CCBE1: variants seen among roughly 807,000 people sequenced by gnomAD.
CCBE1 encodes the protein collagen and calcium binding EGF domains 1.
A neutral mutation model predicts 50.0 loss-of-function variants in CCBE1; 37 were observed. That is an observed-to-expected ratio of 0.74 (90% CI 0.57 to 0.97). The LOEUF is 0.97. Ranked by LOEUF, CCBE1 falls within the 50% of genes least tolerant of loss-of-function variation. The probability of loss-of-function intolerance (pLI) is 0.00; values close to 1 mark genes in which losing one functional copy is unlikely to be tolerated. For missense variants in CCBE1, 538 were observed against 523.8 expected (o/e 1.03, Z -0.26); for synonymous variants, 234 against 203.7 (o/e 1.15, Z -1.27).
intron 2 of CCBE1, among the ~76,000 whole-genome samples, chr18:59,517,176 T>G (rs1184718258): frequency 1.3e-5 from 2 of 152,230 alleles, no homozygotes; most frequent in Non-Finnish European, 2.9e-5. Context: ...TTTTCTCATT[T>G]TTGAAAAATG....
At chr18:59,474,939 T>G (rs1912235858) in intron 3 of CCBE1, among the ~76,000 whole-genome samples, 1 of 152,198 alleles carries the variant, frequency 6.6e-6, no homozygotes, top group Non-Finnish European at 1.5e-5. Flanking sequence ...CTTCCAAAGT[T>G]TTATTGCTAT....
At chr18:59,619,784 T>A (rs1416556391) in intron 2 of CCBE1, among the ~76,000 whole-genome samples, 6 of 152,202 alleles carry the variant, frequency 3.9e-5, no homozygotes, top group African/African-American at 1.2e-4. Flanking sequence ...TGATTTTTTT[T>A]AAACTCCTCT....
intron 2 of CCBE1, among the ~76,000 whole-genome samples, chr18:59,566,587 C>T (rs532585518): frequency 1.8e-4 from 27 of 152,260 alleles, no homozygotes; most frequent in African/African-American, 6.3e-4. Flanking sequence ...GAAAGAAGTA[C>T]TCAACTGTCT....
At chr18:59,647,836 G>C (rs982003725) in intron 2 of CCBE1, among the ~76,000 whole-genome samples, 26 of 152,256 alleles carry the variant, frequency 1.7e-4, no homozygotes, top group Non-Finnish European at 3.1e-4. Flanking sequence ...TTAGAGTTTT[G>C]AGTAAAAATT....
intron 2 of CCBE1, among the ~76,000 whole-genome samples, chr18:59,598,208 A>C (rs961350211): frequency 2.6e-5 from 4 of 152,146 alleles, no homozygotes; most frequent in Admixed American, 6.5e-5. Context: ...GAGTTTCAAA[A>C]CCAGTGATTT....
chr18:59,488,907 G>A (rs902152916), intron 2 of CCBE1, among the ~76,000 whole-genome samples: 4 of 152,082 alleles, frequency 2.6e-5, no homozygotes, highest in Non-Finnish European at 5.9e-5. Context: ...AAGACACTGA[G>A]TGCTGCAAGC....
chr18:59,449,984 G>A (rs562121751), intron 6 of CCBE1, among the ~76,000 whole-genome samples: 1 of 152,186 alleles, frequency 6.6e-6, no homozygotes, highest in Non-Finnish European at 1.5e-5. Flanking sequence ...AGTGCAGAAT[G>A]AAGGCACTGG....
intron 2 of CCBE1, among the ~76,000 whole-genome samples, chr18:59,516,407 GA>G (rs1192959810): frequency 3.3e-5 from 5 of 152,152 alleles, no homozygotes; most frequent in African/African-American, 1.2e-4. Context: ...AAGGCTGGGG[GA>G]TAAGAAAGAG....
At chr18:59,547,546 CA>C (rs764461832) in intron 2 of CCBE1, among the ~76,000 whole-genome samples, 1 of 152,046 alleles carries the variant, frequency 6.6e-6, no homozygotes, top group South Asian at 2.1e-4. Flanking sequence ...TAAATTAGCA[CA>C]AAAAACTGAA....
intron 2 of CCBE1, among the ~76,000 whole-genome samples, chr18:59,482,515 A>G (rs573004970): frequency 6.6e-6 from 1 of 152,354 alleles, no homozygotes; most frequent in Non-Finnish European, 1.5e-5. Context: ...TTGCAGCACT[A>G]TTCACAATAG....
At chr18:59,485,769 C>T (rs1398291869) in intron 2 of CCBE1, among the ~76,000 whole-genome samples, 1 of 151,924 alleles carries the variant, frequency 6.6e-6, no homozygotes, top group Non-Finnish European at 1.5e-5. Context: ...TGCCACCACG[C>T]TCAGCTTATT....
rs1915899835 is a variant in CCBE1, at chr18:59,551,012, A to AG, written c.213-70775_213-70774insC. On this transcript the variant is annotated intron_variant, in intron 2 of 10. Coordinates refer to ENST00000439986, the MANE Select transcript of CCBE1 (RefSeq NM_133459.4). The stretch of plus-strand genomic sequence containing the variant: ...ACAGCGAGACTCAAAAAAAAAAAAA[A>AG]AAAAAAAAAAAAAAAAAGAAAAGAA... Among the ~76,000 whole-genome samples, 25 of 33,636 alleles carry AG rather than the reference A, an allele frequency of 7.4e-4. 1 individual carries two copies. The highest frequency in any genetic ancestry group is 1.8e-3 in the African/African-American group (24 of 13,626). The allele number at this position is 33,636 out of a possible 152,430, so 22.1% of individuals were successfully genotyped here. A position where few individuals can be genotyped will look rare whatever the true frequency, so the allele number is the denominator to read the frequency against.
chr18:59,541,494 C>G (rs1376520585), intron 2 of CCBE1, among the ~76,000 whole-genome samples: 2 of 152,162 alleles, frequency 1.3e-5, no homozygotes, highest in African/African-American at 4.8e-5. Flanking sequence ...ACCTCACCAT[C>G]TTTTTGGAGA....
intron 2 of CCBE1, among the ~76,000 whole-genome samples, chr18:59,612,798 C>T (rs556393193): frequency 3.4e-5 from 5 of 147,132 alleles, no homozygotes; most frequent in South Asian, 2.2e-4. Flanking sequence ...GGGAAAAGAA[C>T]TCAGCCAATC....
chr18:59,697,166 C>T (rs1205342942), intron 1 of CCBE1, 46 bp downstream of exon 1: 1 of 1,546,260 alleles, frequency 6.5e-7, no homozygotes, highest in Non-Finnish European at 8.7e-7. Context: ...GAGCCGGGCG[C>T]GCATCAAGCA....
At chr18:59,576,725 T>A (rs9958333) in intron 2 of CCBE1, among the ~76,000 whole-genome samples, 4,611 of 152,246 alleles carry the variant, frequency 0.03, 214 homozygotes, top group African/African-American at 0.1. Context: ...CTCCCTCCAA[T>A]GCTTCTGTCT....
At chr18:59,664,334 G>C (rs1339260072) in intron 2 of CCBE1, among the ~76,000 whole-genome samples, 3 of 152,158 alleles carry the variant, frequency 2.0e-5, no homozygotes, top group Non-Finnish European at 1.5e-5. Context: ...GGCCTCCAAA[G>C]AGAGAAGCGC....
Position 59,506,743 on chromosome 18 carries a change from G to A in CCBE1, c.213-26505C>T, listed in dbSNP as rs1261520584. ...GCACCCAGACCAGCCTCCTGGGGTGGAGAGGAGCAGATAGAAGAGTGGAAA... is the reference window on the plus strand; with the variant it reads ...GCACCCAGACCAGCCTCCTGGGGTGAAGAGGAGCAGATAGAAGAGTGGAAA... On this transcript the variant is annotated intron_variant, in intron 2 of 10. Transcript: ENST00000439986. Among the ~76,000 whole-genome samples, 8 of 152,360 alleles carry A rather than the reference G, an allele frequency of 5.3e-5. No individual in the cohort carries two copies. The South Asian group carries it at 1.7e-3, about 32-fold the overall frequency.
At chr18:59,514,584 A>G (rs1011062118) in intron 2 of CCBE1, among the ~76,000 whole-genome samples, 2 of 148,472 alleles carry the variant, frequency 1.3e-5, no homozygotes, top group Non-Finnish European at 3.0e-5. Context: ...TATGGAATAC[A>G]GACTTCCTTT....
Sources: gnomAD v4.1 joint callset for allele counts (sites outside exome capture counted in the v4.1 genomes callset) on GRCh38, gnomAD v4.1.1 for gene constraint, MANE v1.5 for transcripts, NCBI Gene and HGNC (gene_info 2026-07-23, HGNC 2026-07-21) for gene names.